Variants in RCAN2 observed in about 807,000 individuals in gnomAD.
RCAN2 encodes the protein calcipressin-2.
In RCAN2, 9 loss-of-function variants were observed where a neutral mutation model predicts 23.6. That is an observed-to-expected ratio of 0.38 (90% CI 0.23 to 0.67). The LOEUF (loss-of-function observed/expected upper bound fraction) is 0.67. Among genes scored for constraint, RCAN2 ranks in the 30% least tolerant of loss-of-function variants. The pLI is 0.51. For synonymous variants in RCAN2, 109 were observed against 115.7 expected (o/e 0.94, Z 0.37); for missense variants, 273 against 302.3 (o/e 0.90, Z 0.72).
intron 2 of RCAN2, among the ~76,000 whole-genome samples, chr6:46,414,552 ATTTAAGTCAGTAGACT>A (rs757975759): frequency 1.2e-4 from 18 of 152,246 alleles, no homozygotes; most frequent in Non-Finnish European, 2.2e-4. Flanking sequence ...TGAGATTAAC[ATTTAAGTCAGTAGACT>A]TTGAGTGAAG....
intron 2 of RCAN2, among the ~76,000 whole-genome samples, chr6:46,411,156 T>A (rs4314488): frequency 0.51 from 77,295 of 152,072 alleles, 20,163 homozygotes; most frequent in East Asian, 0.61. Flanking sequence ...GCAAAATGTG[T>A]CATATACCTA....
chr6:46,262,858 G>A (rs759887645), intron 2 of RCAN2, among the ~76,000 whole-genome samples: 3 of 152,014 alleles, frequency 2.0e-5, no homozygotes, highest in Non-Finnish European at 4.4e-5. Flanking sequence ...CCTTTCTTCC[G>A]CCAGTAACAG....
At chr6:46,308,227 G>A (rs1232640205) in intron 2 of RCAN2, among the ~76,000 whole-genome samples, 3 of 152,192 alleles carry the variant, frequency 2.0e-5, no homozygotes, top group Non-Finnish European at 4.4e-5. Flanking sequence ...ATATGGGAAT[G>A]TGAAGATTCC....
intron 2 of RCAN2, among the ~76,000 whole-genome samples, chr6:46,408,857 G>T (rs994644069): frequency 5.3e-5 from 8 of 152,114 alleles, no homozygotes; most frequent in African/African-American, 1.9e-4. Flanking sequence ...TGGATGCCTG[G>T]TATCCTGTTT....
intron 2 of RCAN2, among the ~76,000 whole-genome samples, chr6:46,355,464 T>C (rs1764801448): frequency 6.6e-6 from 1 of 152,210 alleles, no homozygotes; most frequent in African/African-American, 2.4e-5. Context: ...TGCCAGCCCT[T>C]GACATCTTCT....
intron 2 of RCAN2, among the ~76,000 whole-genome samples, chr6:46,436,282 G>A (rs1412204832): frequency 1.3e-5 from 2 of 152,178 alleles, no homozygotes; most frequent in African/African-American, 2.4e-5. Flanking sequence ...GCACAATCTC[G>A]GCTCACTGCA....
chr6:46,296,244 C>A (rs1762727462), intron 2 of RCAN2, among the ~76,000 whole-genome samples: 2 of 142,632 alleles, frequency 1.4e-5, no homozygotes, highest in African/African-American at 6.1e-5. Context: ...ACATGTAGTC[C>A]AGAGAGATTG....
At chr6:46,306,461 T>C (rs1411622771) in intron 2 of RCAN2, among the ~76,000 whole-genome samples, 3 of 152,048 alleles carry the variant, frequency 2.0e-5, no homozygotes, top group African/African-American at 7.2e-5. Context: ...CCTCCTAGCA[T>C]TCTACACAGT....
chr6:46,245,854 G>A (rs919210934), intron 4 of RCAN2, among the ~76,000 whole-genome samples: 5 of 152,092 alleles, frequency 3.3e-5, no homozygotes, highest in Non-Finnish European at 5.9e-5. Flanking sequence ...CAGACATAAT[G>A]GCCATTAGTT....
rs1447942814 is a variant in RCAN2 at position 46,221,165 on chromosome 6, T to C, written c.*1976A>G. ...AACTTTTACTAAGTTGTTAAAAATG[T>C]CAGATGTGTCTTTTAAAAAACATTT... is the stretch of plus-strand genomic sequence containing the variant. On this transcript the variant is annotated 3_prime_UTR_variant, in exon 5 of 5. Transcript: ENST00000371374. 1 of 152,342 alleles carries C rather than the reference T, an allele frequency of 6.6e-6. No homozygotes were observed. The highest frequency in any genetic ancestry group is 6.5e-5 in the Admixed American group (1 of 15,280). 9.4% of individuals were successfully genotyped at this position (152,342 alleles called of 1,614,324 possible).
At chr6:46,462,459 C>A (rs565443019) in intron 1 of RCAN2, among the ~76,000 whole-genome samples, 230 of 152,218 alleles carry the variant, frequency 1.5e-3, no homozygotes, top group African/African-American at 5.1e-3. Flanking sequence ...AATTTTCATC[C>A]AAGATTTTCA....
intron 2 of RCAN2, among the ~76,000 whole-genome samples, chr6:46,367,406 C>T (rs73453015): frequency 0.032 from 4,876 of 152,080 alleles, 248 homozygotes; most frequent in African/African-American, 0.11. Flanking sequence ...TATCCAGTGA[C>T]GGCCTGAAGA....
chr6:46,297,453 C>T (rs1187966601), intron 2 of RCAN2, among the ~76,000 whole-genome samples: 1 of 152,048 alleles, frequency 6.6e-6, no homozygotes, highest in East Asian at 1.9e-4. Flanking sequence ...CACCTGAATC[C>T]TGGGTTCTTA....
chr6:46,325,648 G>A (rs972003530), intron 2 of RCAN2: 4 of 1,418,266 alleles, frequency 2.8e-6, no homozygotes, highest in Non-Finnish European at 9.2e-7. Flanking sequence ...AGCCCTCCGC[G>A]TCTGAGGCAG....
chr6:46,263,479 G>GTGTA (rs1347237677), intron 2 of RCAN2, among the ~76,000 whole-genome samples: 4 of 140,668 alleles, frequency 2.8e-5, no homozygotes, highest in Admixed American at 6.9e-5. Context: ...GTGTGTATGT[G>GTGTA]TGTGTGTGTG....
At chr6:46,490,897 C>T (rs1005811287) in intron 1 of RCAN2, among the ~76,000 whole-genome samples, 1 of 152,066 alleles carries the variant, frequency 6.6e-6, no homozygotes, top group Non-Finnish European at 1.5e-5. Context: ...GAAGGGGCTC[C>T]TTTGGACCCG....
chr6:46,271,666 C>T (rs897231823), intron 2 of RCAN2, among the ~76,000 whole-genome samples: 6 of 152,184 alleles, frequency 3.9e-5, no homozygotes, highest in African/African-American at 1.4e-4. Flanking sequence ...TAACAGGATA[C>T]TTGCAAAGCA....
chr6:46,290,518 C>T (rs1762523495), intron 2 of RCAN2, among the ~76,000 whole-genome samples: 1 of 152,154 alleles, frequency 6.6e-6, no homozygotes, highest in Admixed American at 6.5e-5. Context: ...TGAACTCTTT[C>T]TCCCTCTCTC....
chr6:46,445,629 A>G (rs911265360), intron 2 of RCAN2, among the ~76,000 whole-genome samples: 1 of 152,254 alleles, frequency 6.6e-6, no homozygotes, highest in African/African-American at 2.4e-5. Context: ...CAAAGAATTC[A>G]AAATAATTGC....
Sources: gnomAD v4.1 joint callset for allele counts (sites outside exome capture counted in the v4.1 genomes callset) on GRCh38, gnomAD v4.1.1 for gene constraint, MANE v1.5 for transcripts, NCBI Gene and HGNC (gene_info 2026-07-23, HGNC 2026-07-21) for gene names.